Variants in TNS1 observed in about 807,000 individuals in gnomAD.
The protein encoded by TNS1 is tensin 1.
Under a neutral mutation model 168.6 loss-of-function variants are expected in TNS1, and 62 were observed. The ratio of observed to expected loss-of-function variants is 0.37; its 90% CI spans 0.30 to 0.45. TNS1 has a LOEUF of 0.45. Among genes scored for constraint, TNS1 ranks in the 20% least tolerant of loss-of-function variants. TNS1 has a pLI of 1.00. For synonymous variants in TNS1, 934 were observed against 933.2 expected, an observed-to-expected ratio of 1.00 and a Z score of -0.02; for missense variants, 2,240 against 2,339.4, an observed-to-expected ratio of 0.96 and a Z score of 0.88.
chr2:217,864,473 C>T (rs932285205), intron 18 of TNS1, among the ~76,000 whole-genome samples: 3 of 152,180 alleles, frequency 2.0e-5, no homozygotes, highest in Non-Finnish European at 4.4e-5. Flanking sequence ...GCCAGTCTGA[C>T]TCTGACATTC....
At chr2:217,904,428 T>C (rs1454922594) in intron 6 of TNS1, among the ~76,000 whole-genome samples, 2 of 152,142 alleles carry the variant, frequency 1.3e-5, no homozygotes, top group Non-Finnish European at 2.9e-5. Context: ...ACTGGCTCAA[T>C]GACCCTGGAG....
chr2:217,885,523 G>A (rs1241856768), intron 15 of TNS1, among the ~76,000 whole-genome samples: 3 of 152,218 alleles, frequency 2.0e-5, no homozygotes, highest in African/African-American at 7.2e-5. Context: ...CACGCTGAGT[G>A]ATATTTCCCT....
intron 12 of TNS1, 118 bp downstream of exon 12, chr2:217,890,844 C>A (rs1032387851): frequency 2.7e-6 from 3 of 1,095,020 alleles, no homozygotes; most frequent in South Asian, 1.4e-5. Flanking sequence ...TGAAAACTTG[C>A]GCCTGGTACA....
chr2:217,846,004 C>CA (rs1290273520), intron 19 of TNS1, among the ~76,000 whole-genome samples: 1 of 151,396 alleles, frequency 6.6e-6, no homozygotes, highest in Non-Finnish European at 1.5e-5. Context: ...CCTCTCACCT[C>CA]AAAAAAACCA....
intron 3 of TNS1, among the ~76,000 whole-genome samples, chr2:217,955,181 G>T (rs985548274): frequency 6.6e-6 from 1 of 152,196 alleles, no homozygotes; most frequent in Admixed American, 6.5e-5. Flanking sequence ...TCCTCAGCAC[G>T]TTCCAGCCTC....
At chr2:217,960,636 C>CA in intron 3 of TNS1, among the ~76,000 whole-genome samples, 1 of 152,328 alleles carries the variant, frequency 6.6e-6, no homozygotes, top group East Asian at 1.9e-4. Context: ...ACACACACCC[C>CA]ACCAGTGCGG....
At position 218,002,122 on chromosome 2, in the gene TNS1, C is replaced by T. The variant is rs574304953; in HGVS notation, c.33+718G>A. Among the ~76,000 whole-genome samples the T allele has an allele frequency of 7.9e-4, 121 of 152,278 alleles. No homozygotes were observed. The Middle Eastern group carries it at 0.01, about 13-fold the overall frequency. ...CCAGGAGCCTCAGCCCAGGTCTGGCCTTAAGACTTTTAACCTTCACCACGT... is the reference window on the plus strand; with the variant it reads ...CCAGGAGCCTCAGCCCAGGTCTGGCTTTAAGACTTTTAACCTTCACCACGT... On this transcript the variant is annotated intron_variant, in intron 1 of 32. Coordinates refer to ENST00000682258, the MANE Select transcript of TNS1 (RefSeq NM_001387777.1).
intron 17 of TNS1, 152 bp downstream of exon 17, chr2:217,882,194 G>C: frequency 1.7e-6 from 1 of 592,962 alleles, no homozygotes; most frequent in Admixed American, 3.7e-5. Flanking sequence ...TGTTTAGCTA[G>C]GGGTCCACTC....
intron 1 of TNS1, among the ~76,000 whole-genome samples, chr2:218,001,738 AC>A (rs1958568066): frequency 1.0e-5 from 1 of 100,200 alleles, no homozygotes; most frequent in Non-Finnish European, 2.1e-5. Flanking sequence ...CCCCTCCCCC[AC>A]CCTTTCTTTC....
intron 3 of TNS1, among the ~76,000 whole-genome samples, chr2:217,969,377 C>G (rs1035254869): frequency 5.3e-5 from 8 of 151,904 alleles, no homozygotes; most frequent in Admixed American, 2.0e-4. Context: ...CAGAAGAAAA[C>G]AGGGGTAAAT....
intron 4 of TNS1, among the ~76,000 whole-genome samples, chr2:217,915,522 C>G (rs1954908319): frequency 6.6e-6 from 1 of 152,164 alleles, no homozygotes; most frequent in South Asian, 2.1e-4. Flanking sequence ...GGGTCCTAAG[C>G]CCAGGGGGTA....
At chr2:217,988,637 C>A (rs989102019) in intron 2 of TNS1, among the ~76,000 whole-genome samples, 3 of 152,210 alleles carry the variant, frequency 2.0e-5, no homozygotes, top group African/African-American at 7.2e-5. Context: ...TCTTCTGTGA[C>A]TTCTCCCCTG....
At position 217,804,254 on chromosome 2, in the gene TNS1, C is replaced by G; in HGVS notation, c.*205G>C. The G allele has an allele frequency of 1.7e-6, 1 of 605,070 alleles. No homozygotes were observed. The highest frequency in any genetic ancestry group is 2.7e-6 in the Non-Finnish European group (1 of 368,878). The allele number at this position is 605,070 out of a possible 1,614,324, so 37.5% of individuals were successfully genotyped here. ...GGGAATCCAAGTTCTTCTCCTCCATCTTTCTCTCTCTCTCTCTCTCTCTCT... is the reference window on the plus strand; with the variant it reads ...GGGAATCCAAGTTCTTCTCCTCCATGTTTCTCTCTCTCTCTCTCTCTCTCT... On this transcript the variant is annotated 3_prime_UTR_variant, in exon 33 of 33. Coordinates refer to ENST00000682258, the MANE Select transcript of TNS1 (RefSeq NM_001387777.1).
In TNS1 at chr2:217,808,210, C is replaced by T. The variant is rs545330958; in HGVS notation, c.5343-103G>A. On this transcript the variant is annotated intron_variant, in intron 31 of 32. Transcript: ENST00000682258. Reference sequence around the variant, plus strand: ...CTGCAGGAAGGTCTGGGGAGAGGAGCTGCCCCCCATTCCCCCCTCATTCCC... The same window carrying T: ...CTGCAGGAAGGTCTGGGGAGAGGAGTTGCCCCCCATTCCCCCCTCATTCCC... 6 of 1,420,254 alleles carry T rather than the reference C, an allele frequency of 4.2e-6. No homozygotes were observed. The East Asian group carries it at 1.2e-4, about 29-fold the overall frequency. The allele number at this position is 1,420,254 out of a possible 1,614,324, so 88.0% of individuals were successfully genotyped here. A position where few individuals can be genotyped will look rare whatever the true frequency, so the allele number is the denominator to read the frequency against.
At chr2:217,970,807 A>G (rs1403299922) in intron 3 of TNS1, among the ~76,000 whole-genome samples, 3 of 152,158 alleles carry the variant, frequency 2.0e-5, no homozygotes, top group African/African-American at 4.8e-5. Flanking sequence ...CTGTGGTGAC[A>G]GTCACACAAC....
intron 18 of TNS1, chr2:217,850,075 A>C (rs1193159446): frequency 4.2e-5 from 41 of 985,142 alleles, no homozygotes; most frequent in Non-Finnish European, 4.9e-5. Flanking sequence ...CTACCCCTCC[A>C]CCAGCAAGCT....
At chr2:217,827,101 C>T (rs1447129905) in intron 22 of TNS1, among the ~76,000 whole-genome samples, 1 of 152,110 alleles carries the variant, frequency 6.6e-6, no homozygotes, top group African/African-American at 2.4e-5. Flanking sequence ...TACCTCAGCT[C>T]AGCACTTTTG....
intron 4 of TNS1, among the ~76,000 whole-genome samples, chr2:217,912,822 G>GGCA (rs906063673): frequency 1.3e-5 from 2 of 152,160 alleles, no homozygotes; most frequent in African/African-American, 2.4e-5. Context: ...ACAAGGCAGC[G>GGCA]GCAGCGGCAG....
chr2:217,873,180 T>C (rs1949920664), intron 18 of TNS1, among the ~76,000 whole-genome samples: 1 of 152,228 alleles, frequency 6.6e-6, no homozygotes, highest in Non-Finnish European at 1.5e-5. Flanking sequence ...AGTTGTGGTA[T>C]TAAATTATAT....
Sources: allele counts gnomAD v4.1 joint callset (sites outside exome capture counted in the v4.1 genomes callset), GRCh38; gene constraint gnomAD v4.1.1; transcripts MANE v1.5; gene names NCBI Gene and HGNC (gene_info 2026-07-23, HGNC 2026-07-21).